Variants in PZP observed in about 807,000 individuals in gnomAD.
The protein encoded by PZP is pregnancy zone protein.
A neutral mutation model predicts 179.8 loss-of-function variants in PZP; 150 were observed. That is an observed-to-expected ratio of 0.83 (90% CI 0.73 to 0.96). The LOEUF (loss-of-function observed/expected upper bound fraction) is 0.96. Ranked by LOEUF, PZP falls within the 40% of genes least tolerant of loss-of-function variation. The pLI, the probability that PZP is intolerant of heterozygous loss-of-function variation, is 0.00. For synonymous variants in PZP, 624 were observed against 652.3 expected (o/e 0.96, Z 0.66); for missense variants, 1,689 against 1,764.0 (o/e 0.96, Z 0.76).
At chr12:9,203,706 G>A in intron 2 of PZP, 62 bp downstream of exon 2, 1 of 1,562,456 alleles carries the variant, frequency 6.4e-7, no homozygotes, top group Non-Finnish European at 8.8e-7. Context: ...CCATCACCAT[G>A]ACCTATAGAG....
chr12:9,195,543 G>A (rs868501896), intron 10 of PZP, among the ~76,000 whole-genome samples: 21 of 151,252 alleles, frequency 1.4e-4, no homozygotes, highest in African/African-American at 4.6e-4. Flanking sequence ...TTCTGGGCTC[G>A]AGGGATCCTC....
intron 18 of PZP, 74 bp from the exon 19 acceptor site, chr12:9,165,441 A>G (rs1941516173): frequency 7.8e-6 from 12 of 1,536,950 alleles, no homozygotes; most frequent in Middle Eastern, 1.7e-4. Context: ...ATTAATATGC[A>G]TAAAGCTAAC....
At chr12:9,137,662 G>T in the PZP span, among the ~76,000 whole-genome samples, 1 of 151,894 alleles carries the variant, frequency 6.6e-6, no homozygotes. Flanking sequence ...AATGAACATG[G>T]TATATATTTT....
chr12:9,198,645 A>T (rs1943978031), intron 7 of PZP, among the ~76,000 whole-genome samples: 1 of 152,194 alleles, frequency 6.6e-6, no homozygotes, highest in South Asian at 2.1e-4. Context: ...TGCACATGTT[A>T]TATTAGTCCT....
intron 1 of PZP, among the ~76,000 whole-genome samples, chr12:9,206,910 T>C (rs1024658430): frequency 6.6e-6 from 1 of 152,168 alleles, no homozygotes; most frequent in Non-Finnish European, 1.5e-5. Flanking sequence ...ATCCATTCAG[T>C]CTGCTCTCAG....
intron 13 of PZP, among the ~76,000 whole-genome samples, chr12:9,185,932 C>T (rs916895376): frequency 4.6e-5 from 7 of 151,664 alleles, no homozygotes; most frequent in African/African-American, 7.3e-5. Context: ...CTCAGCCTCC[C>T]GAGTAGCTGG....
chr12:9,204,006 A>G (rs1036344571), intron 1 of PZP, 55 bp from the exon 2 acceptor site: 56 of 1,481,292 alleles, frequency 3.8e-5, no homozygotes, highest in Non-Finnish European at 5.0e-5. Context: ...AAGCGTTTTC[A>G]TCCATAAATG....
At chr12:9,186,072 C>T (rs1464116783) in intron 13 of PZP, among the ~76,000 whole-genome samples, 1 of 151,998 alleles carries the variant, frequency 6.6e-6, no homozygotes, top group East Asian at 1.9e-4. Flanking sequence ...CCCCAAAGTG[C>T]TGGGATTACA....
rs1248840183 is a variant in PZP at position 9,170,040 on chromosome 12, A to G, written c.1840-449T>C. 6.6e-6 allele frequency: 1 copy of G among 152,650 alleles called. No individual in the cohort carries two copies. The highest frequency in any genetic ancestry group is 1.5e-5 in the Non-Finnish European group (1 of 68,374). The allele number at this position is 152,650 out of a possible 1,614,324, so 9.5% of individuals were successfully genotyped here. On this transcript the variant is annotated intron_variant, in intron 15 of 35. Transcript: ENST00000261336. The surrounding 1 kb of genome is among the most constrained non-coding windows in gnomAD (Gnocchi z 4.6). ...CCCATTAGAAGCAGCTGCGGTCTGC[A>G]GCACTTACGGAGTGGAATGAAAAAG...
the PZP span, among the ~76,000 whole-genome samples, chr12:9,141,731 CA>C: frequency 2.0e-5 from 3 of 152,162 alleles, no homozygotes; most frequent in Admixed American, 1.3e-4. Context: ...ACTGTTTTTT[CA>C]ATAGTCTTAA....
At chr12:9,158,667 G>T in intron 25 of PZP, 91 bp from the exon 26 acceptor site, 2 of 1,324,466 alleles carry the variant, frequency 1.5e-6, no homozygotes, top group South Asian at 1.8e-5. Flanking sequence ...ATCACAGTGT[G>T]CACCCAAGAA....
Position 9,157,839 on chromosome 12 carries a change from T to G in PZP, c.3297A>C (p.Gly1099=). ...AGAGGGTCGCTTCATCTTCTACACC[T>G]CCCTGTGAATACAACATTGATTTGA... ...SGSLLNNAIK[G]GVEDEATLSA... The change falls in exon 27 of 36, where the codon GGA becomes GGC. Residue 1099 remains glycine (G), a splice_region_variant and synonymous_variant. Transcript: ENST00000261336. 1.2e-6 allele frequency: 2 copies of G among 1,611,074 alleles called. No homozygotes were observed. The highest frequency in any genetic ancestry group is 1.1e-5 in the South Asian group (1 of 90,938).
chr12:9,185,698 A>G (rs1311215416), intron 13 of PZP, among the ~76,000 whole-genome samples: 2 of 152,038 alleles, frequency 1.3e-5, no homozygotes, highest in Non-Finnish European at 2.9e-5. Flanking sequence ...GAGAAAGGAC[A>G]AGTCACCTAC....
intron 4 of PZP, among the ~76,000 whole-genome samples, chr12:9,201,974 A>G (rs923072586): frequency 6.6e-6 from 1 of 152,302 alleles, no homozygotes; most frequent in African/African-American, 2.4e-5. Context: ...ATATATTCAT[A>G]AAAGCATAAT....
Position 9,194,098 on chromosome 12 carries a change from C to T in PZP, c.1233G>A (p.Ser411=), listed in dbSNP as rs776571938. 5.0e-6 allele frequency: 8 copies of T among 1,612,974 alleles called. No individual in the cohort carries two copies. Among genetic ancestry groups the T allele is most frequent in the South Asian group, 4.4e-5 (4 of 90,884 alleles). The change falls in exon 11 of 36, where the codon TCG becomes TCA. Residue 411 remains serine (S), a synonymous_variant. Coordinates refer to ENST00000261336, the MANE Select transcript of PZP (RefSeq NM_002864.3). ...AQFSINTTSI[S]VNKLFVRVFT... ...TTACCCGGACAAAAAGTTTATTAAC[C>T]GAGATACTGGTAGTATTGATTGAAA...
At chr12:9,189,186 G>T (rs903137502) in intron 13 of PZP, among the ~76,000 whole-genome samples, 1 of 152,066 alleles carries the variant, frequency 6.6e-6, no homozygotes, top group Non-Finnish European at 1.5e-5. Flanking sequence ...AGCCCAAATA[G>T]CCAAGGCAAT....
rs1941827970 is a variant in PZP at position 9,169,423 on chromosome 12, A to C, written c.2001+7T>G. The C allele has an allele frequency of 5.7e-6, 9 of 1,585,106 alleles. No individual in the cohort carries two copies. Among genetic ancestry groups the C allele is most frequent in the Non-Finnish European group, 7.7e-6 (9 of 1,165,374 alleles). ...GCCAGCATGTTAATAAGTAGTGAGA[A>C]TTTTACCTTGAGGAAGCTATAAATA... On this transcript the variant is annotated splice_region_variant and intron_variant, in intron 16 of 35. Transcript: ENST00000261336.
At position 9,181,090 on chromosome 12, in the gene PZP, GT is replaced by G. The variant is rs750462803; in HGVS notation, c.1731del (p.His578MetfsTer6). On this transcript the variant is annotated frameshift_variant, in exon 15 of 36. Coordinates refer to ENST00000261336, the MANE Select transcript of PZP (RefSeq NM_002864.3). LOFTEE classifies it high-confidence loss of function. Reference sequence around the variant, plus strand: ...GCAGCTGCTACTTGCAGGTGGGCATGTGAGGCTGGGGGACTTTGTGCTGGGC... The same window carrying G: ...GCAGCTGCTACTTGCAGGTGGGCATGGAGGCTGGGGGACTTTGTGCTGGGC... ...SFSPAQSPPASHAHLQVAAAP... is the reference protein window; with the variant it reads ...SFSPAQSPPAXHAHLQVAAAP... 7.9e-5 allele frequency: 127 copies of G among 1,614,088 alleles called. No individual in the cohort carries two copies. In the African/African-American group the frequency reaches 1.6e-3, roughly 21 times the overall value.
At chr12:9,182,785 G>A (rs1437684455) in intron 13 of PZP, among the ~76,000 whole-genome samples, 1 of 152,200 alleles carries the variant, frequency 6.6e-6, no homozygotes, top group Non-Finnish European at 1.5e-5. Context: ...GGGGACTTGA[G>A]TAGATGGCCC....
Sources: gnomAD v4.1 joint callset for allele counts (sites outside exome capture counted in the v4.1 genomes callset) on GRCh38, gnomAD v4.1.1 for gene constraint, Gnocchi (gnomAD v3.1) non-coding constraint, MANE v1.5 for transcripts, NCBI Gene and HGNC (gene_info 2026-07-23, HGNC 2026-07-21) for gene names.